Variants in OSBP2 observed in about 807,000 individuals in gnomAD.
The protein encoded by OSBP2 is oxysterol binding protein 2.
A neutral mutation model predicts 96.0 loss-of-function variants in OSBP2; 66 were observed. That is an observed-to-expected ratio of 0.69 (90% CI 0.56 to 0.84). OSBP2 has a LOEUF of 0.84. OSBP2 is among the 40% of genes least tolerant of loss of function. The pLI, the probability that OSBP2 is intolerant of heterozygous loss-of-function variation, is 0.00. For missense variants in OSBP2, 1,038 were observed against 1,222.7 expected, an observed-to-expected ratio of 0.85 and a Z score of 2.25; for synonymous variants, 525 against 520.9, an observed-to-expected ratio of 1.01 and a Z score of -0.11.
intron 2 of OSBP2, among the ~76,000 whole-genome samples, chr22:30,831,507 G>A (rs1372505258): frequency 1.3e-5 from 2 of 152,172 alleles, no homozygotes; most frequent in Non-Finnish European, 2.9e-5. Context: ...CTTGGTGGTT[G>A]GGGTTCAGAG....
intron 1 of OSBP2, among the ~76,000 whole-genome samples, chr22:30,707,627 G>A (rs2089275510): frequency 6.6e-6 from 1 of 151,214 alleles, no homozygotes; most frequent in African/African-American, 2.4e-5. Flanking sequence ...TGAGGCAGAG[G>A]AATGGCGTGA....
chr22:30,791,927 A>C (rs916298546), intron 2 of OSBP2, among the ~76,000 whole-genome samples: 1 of 152,210 alleles, frequency 6.6e-6, no homozygotes, highest in Non-Finnish European at 1.5e-5. Context: ...GTATATAGAT[A>C]AGTATTACCA....
chr22:30,892,789 AACCTTCGGC>A (rs1191004429), intron 8 of OSBP2, among the ~76,000 whole-genome samples: 7 of 152,154 alleles, frequency 4.6e-5, no homozygotes, highest in Admixed American at 6.5e-5. Flanking sequence ...GTGGACATGG[AACCTTCGGC>A]ATAGTGTGAC....
intron 1 of OSBP2, among the ~76,000 whole-genome samples, chr22:30,737,785 T>C (rs1012111301): frequency 6.6e-6 from 1 of 151,696 alleles, no homozygotes; most frequent in South Asian, 2.1e-4. Flanking sequence ...CGATCTCGGC[T>C]CACCACAACC....
intron 2 of OSBP2, among the ~76,000 whole-genome samples, chr22:30,840,022 A>G (rs1251967981): frequency 1.3e-5 from 2 of 149,322 alleles, no homozygotes; most frequent in African/African-American, 2.5e-5. Flanking sequence ...ATTTTTGTAT[A>G]AGGTGTAAGG....
chr22:30,822,410 C>T, intron 2 of OSBP2: 4 of 869,834 alleles, frequency 4.6e-6, no homozygotes, highest in Non-Finnish European at 6.2e-6. Flanking sequence ...GCAGCACCGC[C>T]GCTCAGGCTG....
chr22:30,713,235 C>T (rs186586725), intron 1 of OSBP2, among the ~76,000 whole-genome samples: 7 of 151,708 alleles, frequency 4.6e-5, no homozygotes, highest in African/African-American at 1.5e-4. Flanking sequence ...CCCGCCACCA[C>T]GCCCGGCTAA....
intron 2 of OSBP2, among the ~76,000 whole-genome samples, chr22:30,783,302 CTT>C (rs35470453): frequency 2.0e-4 from 7 of 34,706 alleles, no homozygotes; most frequent in African/African-American, 9.8e-4. Flanking sequence ...ATTCAGAGAG[CTT>C]TTTTTTTTTT....
chr22:30,702,108 C>T (rs895731167), intron 1 of OSBP2, among the ~76,000 whole-genome samples: 1 of 152,150 alleles, frequency 6.6e-6, no homozygotes, highest in Admixed American at 6.5e-5. Context: ...TCTTCCCTCC[C>T]TCATCCCACA....
chr22:30,713,202 C>T (rs1246010971), intron 1 of OSBP2, among the ~76,000 whole-genome samples: 1 of 151,832 alleles, frequency 6.6e-6, no homozygotes, highest in Non-Finnish European at 1.5e-5. Context: ...CCTCAGCCAC[C>T]CTAGTAGCTG....
chr22:30,851,143 C>T (rs1243998792), intron 2 of OSBP2, among the ~76,000 whole-genome samples: 1 of 152,120 alleles, frequency 6.6e-6, no homozygotes, highest in African/African-American at 2.4e-5. Flanking sequence ...CTCACTGCAA[C>T]TTCCTCCTCC....
At chr22:30,842,167 G>A (rs1323860137) in intron 2 of OSBP2, among the ~76,000 whole-genome samples, 3 of 152,194 alleles carry the variant, frequency 2.0e-5, no homozygotes, top group African/African-American at 4.8e-5. Context: ...GGCTGGTCTC[G>A]AACTCCTGAA....
chr22:30,728,083 A>C (rs1473890719), intron 1 of OSBP2, among the ~76,000 whole-genome samples: 2 of 150,142 alleles, frequency 1.3e-5, no homozygotes, highest in East Asian at 4.0e-4. Context: ...CAACCTGGTG[A>C]CAGAGAGAGA....
chr22:30,745,161 A>G (rs1247460154), intron 2 of OSBP2, among the ~76,000 whole-genome samples: 2 of 152,194 alleles, frequency 1.3e-5, no homozygotes, highest in African/African-American at 4.8e-5. Flanking sequence ...GAATACGCAA[A>G]AGCAGTGCCC....
chr22:30,717,307 C>A, intron 1 of OSBP2, among the ~76,000 whole-genome samples: 1 of 152,228 alleles, frequency 6.6e-6, no homozygotes, highest in East Asian at 1.9e-4. Context: ...AAGGGTCTAA[C>A]TTCATTCTTT....
chr22:30,875,796 C>T (rs2039566185), intron 3 of OSBP2, among the ~76,000 whole-genome samples: 1 of 152,252 alleles, frequency 6.6e-6, no homozygotes, highest in Non-Finnish European at 1.5e-5. Flanking sequence ...CCTCTCTCAT[C>T]ACACAGCTAG....
At chr22:30,888,156 T>G in intron 4 of OSBP2, 67 bp from the exon 5 acceptor site, 1 of 1,071,594 alleles carries the variant, frequency 9.3e-7, no homozygotes, top group Non-Finnish European at 1.4e-6. Flanking sequence ...CCCTTGGCTC[T>G]GGACTTAGGG....
At chr22:30,837,018 AG>A (rs1474090478) in intron 2 of OSBP2, among the ~76,000 whole-genome samples, 2 of 152,196 alleles carry the variant, frequency 1.3e-5, no homozygotes, top group African/African-American at 4.8e-5. Flanking sequence ...TGGGAGGCCA[AG>A]GCAGGCACAT....
chr22:30,720,876 CTTG>C (rs1360928370), intron 1 of OSBP2, among the ~76,000 whole-genome samples: 1 of 152,122 alleles, frequency 6.6e-6, no homozygotes, highest in Non-Finnish European at 1.5e-5. Flanking sequence ...GTTGTGGAAC[CTTG>C]TTGTGGGAGA....
Sources: allele counts gnomAD v4.1 joint callset (sites outside exome capture counted in the v4.1 genomes callset), GRCh38; gene constraint gnomAD v4.1.1; transcripts MANE v1.5; gene names NCBI Gene and HGNC (gene_info 2026-07-23, HGNC 2026-07-21).